Variants in FERMT2 observed in about 807,000 individuals in gnomAD.
FERMT2 encodes FERM domain containing kindlin 2, also known as fermitin family homolog 2.
A neutral mutation model predicts 82.7 loss-of-function variants in FERMT2; 15 were observed. The ratio of observed to expected loss-of-function variants is 0.18; its 90% CI spans 0.12 to 0.28. FERMT2 has a LOEUF of 0.28. Among genes scored for constraint, FERMT2 ranks in the 10% least tolerant of loss-of-function variants. The pLI is 1.00. For synonymous variants in FERMT2, 274 were observed against 271.5 expected, an observed-to-expected ratio of 1.01 and a Z score of -0.09; for missense variants, 645 against 809.4, an observed-to-expected ratio of 0.80 and a Z score of 2.46.
chr14:52,913,739 G>C (rs1333153786), intron 3 of FERMT2, among the ~76,000 whole-genome samples: 2 of 144,152 alleles, frequency 1.4e-5, no homozygotes, highest in African/African-American at 5.3e-5. Context: ...ACCCACTACA[G>C]ATATATTTAG....
intron 3 of FERMT2, among the ~76,000 whole-genome samples, chr14:52,894,291 A>ATATTGCACACAATATG (rs1476353905): frequency 6.6e-6 from 1 of 152,212 alleles, no homozygotes; most frequent in Non-Finnish European, 1.5e-5. Context: ...CACACAATAT[A>ATATTGCACACAATATG]TATTGCACAC....
intron 2 of FERMT2, among the ~76,000 whole-genome samples, chr14:52,919,783 G>A (rs557752139): frequency 4.6e-5 from 7 of 152,202 alleles, no homozygotes; most frequent in Non-Finnish European, 8.8e-5. Context: ...TTGCAGAAAT[G>A]TGTGAAGGTG....
At chr14:52,912,096 A>G (rs1047060936) in intron 3 of FERMT2, among the ~76,000 whole-genome samples, 2 of 151,756 alleles carry the variant, frequency 1.3e-5, no homozygotes, top group Non-Finnish European at 2.9e-5. Context: ...ATGAGAAGAC[A>G]TCTATCTATT....
intron 10 of FERMT2, among the ~76,000 whole-genome samples, chr14:52,865,913 C>A (rs1043387855): frequency 6.6e-6 from 1 of 152,158 alleles, no homozygotes; most frequent in Non-Finnish European, 1.5e-5. Context: ...CCCCCCTGCC[C>A]TTTGTTTTCT....
intron 2 of FERMT2, among the ~76,000 whole-genome samples, chr14:52,947,221 T>C (rs1354351249): frequency 6.6e-6 from 1 of 152,224 alleles, no homozygotes; most frequent in South Asian, 2.1e-4. Context: ...GGCTCACGTC[T>C]GCAATCTCAA....
intron 3 of FERMT2, among the ~76,000 whole-genome samples, chr14:52,917,509 T>TTAA (rs944583113): frequency 1.3e-5 from 2 of 152,134 alleles, no homozygotes; most frequent in Non-Finnish European, 2.9e-5. Flanking sequence ...TTTCTCTATT[T>TTAA]TAATAATAAT....
At chr14:52,950,742 A>ACGCCCCGCT (rs1044681837) in intron 1 of FERMT2, 165 bp from the exon 2 acceptor site, 37 of 594,442 alleles carry the variant, frequency 6.2e-5, no homozygotes, top group African/African-American at 6.1e-4. Context: ...GGAGGACCCT[A>ACGCCCCGCT]CGCCCCGCTC....
chr14:52,944,959 G>A (rs1595028884), intron 2 of FERMT2, among the ~76,000 whole-genome samples: 1 of 151,970 alleles, frequency 6.6e-6, no homozygotes, highest in East Asian at 1.9e-4. Flanking sequence ...GGAGTGCTGG[G>A]GTGTAATCAC....
chr14:52,870,638 G>A (rs1885561958), intron 10 of FERMT2, among the ~76,000 whole-genome samples: 1 of 152,204 alleles, frequency 6.6e-6, no homozygotes, highest in Admixed American at 6.5e-5. Flanking sequence ...ACAGTAAAAT[G>A]CTGTACAGGT....
intron 12 of FERMT2, chr14:52,861,496 G>T (rs1884937691): frequency 6.5e-6 from 1 of 153,432 alleles, no homozygotes; most frequent in African/African-American, 2.4e-5. Context: ...TCCATGCACT[G>T]CTTTTCAGAA....
At chr14:52,872,693 G>T in intron 10 of FERMT2, 106 bp downstream of exon 10, 1 of 1,201,218 alleles carries the variant, frequency 8.3e-7, no homozygotes, top group Non-Finnish European at 1.2e-6. Context: ...AAGGAGTAAA[G>T]AAATTGATTT....
chr14:52,867,375 T>C (rs1415332129), intron 10 of FERMT2, among the ~76,000 whole-genome samples: 2 of 152,208 alleles, frequency 1.3e-5, no homozygotes, highest in African/African-American at 4.8e-5. Context: ...ACTACCTTAC[T>C]TTACTACAGT....
chr14:52,876,940 AAATG>A (rs1164443223), intron 7 of FERMT2, among the ~76,000 whole-genome samples: 1 of 152,168 alleles, frequency 6.6e-6, no homozygotes. Context: ...CTAGATTCTA[AAATG>A]GTCTTGGAGG....
intron 2 of FERMT2, among the ~76,000 whole-genome samples, chr14:52,945,963 G>A (rs1428545935): frequency 3.3e-5 from 5 of 152,088 alleles, no homozygotes; most frequent in Non-Finnish European, 7.4e-5. Context: ...TGCAACCTCC[G>A]CCTCCTGGGT....
chr14:52,891,486 G>A (rs1383352579), intron 4 of FERMT2, among the ~76,000 whole-genome samples: 1 of 152,110 alleles, frequency 6.6e-6, no homozygotes, highest in Non-Finnish European at 1.5e-5. Flanking sequence ...GAAGGCTTGT[G>A]ACCTTAGAAG....
intron 3 of FERMT2, among the ~76,000 whole-genome samples, chr14:52,900,805 A>G (rs1887579567): frequency 1.3e-5 from 2 of 152,116 alleles, no homozygotes. Flanking sequence ...TACTCCACAG[A>G]CACACACCCT....
At chr14:52,928,281 G>A (rs1889394649) in intron 2 of FERMT2, 1 of 198,774 alleles carries the variant, frequency 5.0e-6, no homozygotes, top group Non-Finnish European at 1.1e-5. Flanking sequence ...CTGGGCACGT[G>A]ACTTATTTCT....
intron 2 of FERMT2, among the ~76,000 whole-genome samples, chr14:52,939,288 G>A (rs902474627): frequency 6.7e-6 from 1 of 148,566 alleles, no homozygotes; most frequent in African/African-American, 2.5e-5. Flanking sequence ...CACTAGAATC[G>A]CTTGAACCTG....
chr14:52,888,705 G>T (rs928957280), intron 4 of FERMT2, among the ~76,000 whole-genome samples: 1 of 152,072 alleles, frequency 6.6e-6, no homozygotes, highest in South Asian at 2.1e-4. Flanking sequence ...TGGTTTCCAG[G>T]CAACAAAACC....
Sources: gnomAD v4.1 joint callset for allele counts (sites outside exome capture counted in the v4.1 genomes callset) on GRCh38, gnomAD v4.1.1 for gene constraint, MANE v1.5 for transcripts, NCBI Gene and HGNC (gene_info 2026-07-23, HGNC 2026-07-21) for gene names.